The following POLR2H variants were observed in gnomAD, a reference collection of about 807,000 sequenced individuals.
The protein encoded by POLR2H is DNA-directed RNA polymerases I, II, and III subunit RPABC3.
Under a neutral mutation model 18.1 loss-of-function variants are expected in POLR2H, and 3 were observed. That is an observed-to-expected ratio of 0.17 (90% CI 0.08 to 0.43). POLR2H has a LOEUF of 0.43. Among genes scored for constraint, POLR2H ranks in the 20% least tolerant of loss-of-function variants. POLR2H has a pLI of 0.99. For synonymous variants in POLR2H, 76 were observed against 69.0 expected, an observed-to-expected ratio of 1.10 and a Z score of -0.50; for missense variants, 103 against 184.6, an observed-to-expected ratio of 0.56 and a Z score of 2.56.
Position 184,366,723 on chromosome 3 carries a change from C to T in POLR2H, c.258C>T (p.Asp86=), listed in dbSNP as rs1055155187. The change falls in exon 5 of 6, where the codon GAC becomes GAT. Residue 86 remains aspartate, a synonymous_variant. Transcript: ENST00000456318. ...TGCTGCTATTGCTCCATAGGGCTGA[C>T]CAGTTTGAGTATGTAATGTATGGAA... ...NPTDDRPSRA[D]QFEYVMYGKV... 3 of 1,587,430 alleles carry T rather than the reference C, an allele frequency of 1.9e-6. No homozygotes were observed. The Admixed American group carries it at 5.0e-5, about 26-fold the overall frequency.
In POLR2H at chr3:184,361,829, G is replaced by A. The variant is rs1712185882; in HGVS notation, c.-938G>A. 1 of 154,898 alleles carries A rather than the reference G, an allele frequency of 6.5e-6. No individual in the cohort carries two copies. Among genetic ancestry groups the A allele is most frequent in the Admixed American group, 6.5e-5 (1 of 15,374 alleles). The allele number at this position is 154,898 out of a possible 1,614,324, so 9.6% of individuals were successfully genotyped here. A position where few individuals can be genotyped will look rare whatever the true frequency, so the allele number is the denominator to read the frequency against. ...CCTGCGGATGCCCGGGTCGGAGAGGGGCGCCCGGGAGGGGCGGGTCTACTG... is the reference window on the plus strand; with the variant it reads ...CCTGCGGATGCCCGGGTCGGAGAGGAGCGCCCGGGAGGGGCGGGTCTACTG... On this transcript the variant is annotated 5_prime_UTR_variant, in exon 1 of 6. Coordinates refer to ENST00000456318, the MANE Select transcript of POLR2H (RefSeq NM_006232.5). The surrounding 1 kb of genome is among the most constrained non-coding windows in gnomAD (Gnocchi z 6.6).
At chr3:184,364,921 C>A in intron 2 of POLR2H, 45 bp from the exon 3 acceptor site, 1 of 1,305,282 alleles carries the variant, frequency 7.7e-7, no homozygotes, top group Non-Finnish European at 1.1e-6. Flanking sequence ...ACTGTAGGAT[C>A]TGCCTTGGCA....
rs1560272729 is a variant in POLR2H, at chr3:184,362,563, G to C, written c.-620-310G>C. On this transcript the variant is annotated intron_variant, in intron 1 of 5. Coordinates refer to ENST00000456318, the MANE Select transcript of POLR2H (RefSeq NM_006232.5). This position sits in a 1 kb window ranked among gnomAD's most constrained non-coding sequence, Gnocchi z 5.9. Reference sequence around the variant, plus strand: ...AGGGGGCGGGAGCAGTGCCCGGGAAGGGGGGGCCTTGTGATAGAAGCCAGC... The same window carrying C: ...AGGGGGCGGGAGCAGTGCCCGGGAACGGGGGGCCTTGTGATAGAAGCCAGC... 2 of 153,214 alleles carry C rather than the reference G, an allele frequency of 1.3e-5. No individual in the cohort carries two copies. Among genetic ancestry groups the C allele is most frequent in the East Asian group, 3.8e-4 (2 of 5,206 alleles). 9.5% of individuals were successfully genotyped at this position (153,214 alleles called of 1,614,324 possible). A position where few individuals can be genotyped will look rare whatever the true frequency, so the allele number is the denominator to read the frequency against.
intron 4 of POLR2H, 88 bp downstream of exon 4, chr3:184,365,314 A>C (rs1258506190): frequency 2.3e-6 from 2 of 875,346 alleles, no homozygotes; most frequent in African/African-American, 3.3e-5. Flanking sequence ...AAATTCCTGG[A>C]ATAAATGATG....
In POLR2H at chr3:184,363,492, G is replaced by C. The variant is rs770678634; in HGVS notation, c.-1G>C. On this transcript the variant is annotated 5_prime_UTR_variant, in exon 2 of 6. Coordinates refer to ENST00000456318, the MANE Select transcript of POLR2H (RefSeq NM_006232.5). The stretch of plus-strand genomic sequence containing the variant: ...TCTGCTGCTCTCGTGGCCCCCTCGC[G>C]ATGGCGGGCATCCTGTTTGAGGATA... 1.2e-6 allele frequency: 2 copies of C among 1,613,960 alleles called. No individual in the cohort carries two copies. The highest frequency in any genetic ancestry group is 1.3e-5 in the African/African-American group (1 of 75,064).
chr3:184,366,732 G>A lies in POLR2H; in HGVS notation c.267G>A (p.Glu89=). Residue 89 remains glutamate, a synonymous_variant, in exon 5 of 6, where the codon GAG becomes GAA. Transcript: ENST00000456318. ...DDRPSRADQF[E]YVMYGKVYRI... ...TGCTCCATAGGGCTGACCAGTTTGAGTATGTAATGTATGGAAAAGTGTACA... is the reference window on the plus strand; with the variant it reads ...TGCTCCATAGGGCTGACCAGTTTGAATATGTAATGTATGGAAAAGTGTACA... 1.9e-6 allele frequency: 3 copies of A among 1,598,046 alleles called. No homozygotes were observed. The South Asian group carries it at 3.3e-5, about 18-fold the overall frequency.
At chr3:184,367,092 TTG>T (rs10575340) in intron 5 of POLR2H, among the ~76,000 whole-genome samples, 34,220 of 147,418 alleles carry the variant, frequency 0.23, 4,034 homozygotes, top group East Asian at 0.36. Flanking sequence ...CTGTTAGGCT[TTG>T]TGTGTGTGTG....
chr3:184,366,653 T>A (rs1713353896), intron 4 of POLR2H, 64 bp from the exon 5 acceptor site: 3 of 1,049,716 alleles, frequency 2.9e-6, no homozygotes, highest in South Asian at 2.6e-5. Flanking sequence ...GTAACCATTT[T>A]TAAATGGGAT....
In POLR2H at chr3:184,365,137, C is replaced by A. The variant is rs1490080648; in HGVS notation, c.162C>A (p.Asp54Glu). Residue 54 changes from aspartate to glutamate, a missense_variant, in exon 4 of 6, where the codon GAC becomes GAA. By Grantham distance (45) the Asp-to-Glu change is conservative (BLOSUM62 2). Transcript: ENST00000456318. Reference protein sequence around the residue: ...NIQIYPVDLGDKFRLVIASTL... With the variant: ...NIQIYPVDLGEKFRLVIASTL... ...TGATATTGCTGTTATTTTCAGGTGA[C>A]AAGTTTCGGTTGGTCATAGCTAGTA... 1 of 1,611,330 alleles carries A rather than the reference C, an allele frequency of 6.2e-7. No individual in the cohort carries two copies. The highest frequency in any genetic ancestry group is 8.5e-7 in the Non-Finnish European group (1 of 1,177,580).
In POLR2H at chr3:184,365,403, G is replaced by A. The variant is rs1450905065; in HGVS notation, c.251+177G>A. The A allele has an allele frequency of 8.1e-6, 5 of 617,772 alleles. No individual in the cohort carries two copies. The East Asian group carries it at 8.3e-5, about 10-fold the overall frequency. The allele number at this position is 617,772 out of a possible 1,614,324, so 38.3% of individuals were successfully genotyped here. A position where few individuals can be genotyped will look rare whatever the true frequency, so the allele number is the denominator to read the frequency against. On this transcript the variant is annotated intron_variant, in intron 4 of 5. Transcript: ENST00000456318. Reference sequence around the variant, plus strand: ...AGGCCAGGCACCGTGGCTCACACCTGTAACCCAAGCACTTTGGGAGGCCGA... The same window carrying A: ...AGGCCAGGCACCGTGGCTCACACCTATAACCCAAGCACTTTGGGAGGCCGA...
At chr3:184,365,907 C>T (rs1036574403) in intron 4 of POLR2H, among the ~76,000 whole-genome samples, 22 of 137,246 alleles carry the variant, frequency 1.6e-4, no homozygotes, top group Non-Finnish European at 2.8e-4. Context: ...ACCCGGGAGG[C>T]GGAGCTTGCA....
intron 4 of POLR2H, chr3:184,366,503 A>G: frequency 2.9e-6 from 1 of 343,048 alleles, no homozygotes; most frequent in African/African-American, 2.2e-5. Flanking sequence ...ACGCCCGGCT[A>G]ATTTTTTTGT....
intron 2 of POLR2H, chr3:184,364,375 T>A (rs1227414837): frequency 6.6e-6 from 1 of 152,176 alleles, no homozygotes; most frequent in African/African-American, 2.4e-5. Flanking sequence ...ATTACAGGCA[T>A]GCGCCACCAC....
intron 2 of POLR2H, among the ~76,000 whole-genome samples, chr3:184,364,264 C>T (rs1712845841): frequency 6.6e-6 from 1 of 151,484 alleles, no homozygotes; most frequent in Non-Finnish European, 1.5e-5. Flanking sequence ...CAGCCTTTCT[C>T]TGTTGCCCAG....
At chr3:184,366,871 T>G (rs1399868010) in intron 5 of POLR2H, 71 bp downstream of exon 5, 1 of 921,686 alleles carries the variant, frequency 1.1e-6, no homozygotes, top group Non-Finnish European at 1.8e-6. Flanking sequence ...TGCTCCTGCT[T>G]CCTCTGTTGA....
rs750587281 is a variant in POLR2H, at chr3:184,364,960, C to A, written c.74-6C>A. 6.3e-7 allele frequency: 1 copy of A among 1,599,656 alleles called. No homozygotes were observed. Among genetic ancestry groups the A allele is most frequent in the Non-Finnish European group, 8.6e-7 (1 of 1,166,884 alleles). Reference sequence around the variant, plus strand: ...CCTCTGTCACTCTTTTCCTGCTTCTCCCCAGTGTCTCGACTGCATTGTGAG... The same window carrying A: ...CCTCTGTCACTCTTTTCCTGCTTCTACCCAGTGTCTCGACTGCATTGTGAG... On this transcript the variant is annotated splice_region_variant and splice_polypyrimidine_tract_variant and intron_variant, in intron 2 of 5. Coordinates refer to ENST00000456318, the MANE Select transcript of POLR2H (RefSeq NM_006232.5).
chr3:184,365,129 T>G lies in POLR2H; in HGVS notation c.158-4T>G, dbSNP rs1317577945. On this transcript the variant is annotated splice_region_variant and splice_polypyrimidine_tract_variant and intron_variant, in intron 3 of 5. Coordinates refer to ENST00000456318, the MANE Select transcript of POLR2H (RefSeq NM_006232.5). ...TTACTCTCTGATATTGCTGTTATTT[T>G]CAGGTGACAAGTTTCGGTTGGTCAT... 1 of 1,610,040 alleles carries G rather than the reference T, an allele frequency of 6.2e-7. No homozygotes were observed.
At chr3:184,367,270 T>C (rs4912485) in intron 5 of POLR2H, among the ~76,000 whole-genome samples, 107,198 of 151,932 alleles carry the variant, frequency 0.71, 39,712 homozygotes, top group African/African-American at 0.93. Context: ...TTTTTGTAAG[T>C]AATTTGAAAT....
chr3:184,364,647 A>C (rs1712920172), intron 2 of POLR2H: 2 of 381,744 alleles, frequency 5.2e-6, no homozygotes, highest in Non-Finnish European at 9.5e-6. Context: ...CACTCCCCTC[A>C]GCACAGTGCC....
Sources: gnomAD v4.1 joint callset for allele counts (sites outside exome capture counted in the v4.1 genomes callset) on GRCh38, gnomAD v4.1.1 for gene constraint, Gnocchi (gnomAD v3.1) non-coding constraint, MANE v1.5 for transcripts, NCBI Gene and HGNC (gene_info 2026-07-23, HGNC 2026-07-21) for gene names.